The following DLG2 variants were observed in gnomAD, a reference collection of about 807,000 sequenced individuals.
The protein encoded by DLG2 is discs large MAGUK scaffold protein 2.
Under a neutral mutation model 132.5 loss-of-function variants are expected in DLG2, and 45 were observed. That is an observed-to-expected ratio of 0.34 (90% CI 0.27 to 0.44). The LOEUF is 0.44. DLG2 is among the 20% of genes least tolerant of loss of function. The pLI is 1.00. For synonymous variants in DLG2, 424 were observed against 419.6 expected (o/e 1.01, Z -0.13); for missense variants, 1,045 against 1,196.9 (o/e 0.87, Z 1.87).
intron 11 of DLG2, among the ~76,000 whole-genome samples, chr11:84,027,756 T>G (rs542617248): frequency 1.8e-4 from 27 of 152,196 alleles, no homozygotes; most frequent in African/African-American, 6.0e-4. Context: ...GGATATCACT[T>G]AGTAGACTCA....
intron 5 of DLG2, among the ~76,000 whole-genome samples, chr11:85,132,319 A>C (rs896977507): frequency 2.0e-5 from 3 of 152,220 alleles, no homozygotes; most frequent in Non-Finnish European, 4.4e-5. Flanking sequence ...AATCAGAAGC[A>C]ATATGTCAAG....
At chr11:85,500,541 TA>T (rs1250780725) in intron 3 of DLG2, among the ~76,000 whole-genome samples, 5 of 40,818 alleles carry the variant, frequency 1.2e-4, no homozygotes, top group East Asian at 7.0e-4. Flanking sequence ...TAGAGTATAA[TA>T]AAAAAAATAA....
At chr11:83,959,711 C>T (rs1428514885) in intron 14 of DLG2, among the ~76,000 whole-genome samples, 3 of 152,102 alleles carry the variant, frequency 2.0e-5, no homozygotes, top group Admixed American at 6.5e-5. Flanking sequence ...AGTGGTAGGA[C>T]GAGCACTACC....
intron 4 of DLG2, among the ~76,000 whole-genome samples, chr11:85,267,579 T>C (rs919528966): frequency 6.6e-6 from 1 of 152,096 alleles, no homozygotes; most frequent in Non-Finnish European, 1.5e-5. Context: ...TCTGACACAG[T>C]AACACCAAAA....
chr11:84,021,751 A>C (rs1016472977), intron 11 of DLG2, among the ~76,000 whole-genome samples: 9 of 146,078 alleles, frequency 6.2e-5, no homozygotes, highest in African/African-American at 2.2e-4. Context: ...TATTGAGAAA[A>C]ACAACTACTT....
chr11:85,515,644 A>G (rs953447796), intron 3 of DLG2, among the ~76,000 whole-genome samples: 2 of 152,000 alleles, frequency 1.3e-5, no homozygotes, highest in African/African-American at 2.4e-5. Flanking sequence ...TTCACTCTCA[A>G]TGACATAAAG....
chr11:85,412,760 C>CATATATATATATATATATATAT (rs200280952), intron 3 of DLG2, among the ~76,000 whole-genome samples: 1 of 113,278 alleles, frequency 8.8e-6, no homozygotes, highest in Admixed American at 9.2e-5. Flanking sequence ...CACACACACA[C>CATATATATATATATATATATAT]ATATATATAT....
chr11:85,604,889 T>C (rs2080418050), intron 2 of DLG2, among the ~76,000 whole-genome samples: 1 of 152,114 alleles, frequency 6.6e-6, no homozygotes. Context: ...TTTGAAACAG[T>C]GATTGGCAAT....
intron 3 of DLG2, among the ~76,000 whole-genome samples, chr11:85,352,860 G>T (rs934034647): frequency 6.6e-6 from 1 of 152,186 alleles, no homozygotes; most frequent in Non-Finnish European, 1.5e-5. Context: ...AGACTTAAAT[G>T]TTAGACCAAA....
intron 6 of DLG2, among the ~76,000 whole-genome samples, chr11:84,809,395 A>G (rs887375599): frequency 2.0e-5 from 3 of 151,698 alleles, no homozygotes; most frequent in African/African-American, 7.3e-5. Context: ...CTTTCCCACC[A>G]CTCTTATTTA....
chr11:84,707,677 T>C (rs942700416), intron 6 of DLG2, among the ~76,000 whole-genome samples: 1 of 151,848 alleles, frequency 6.6e-6, no homozygotes, highest in Admixed American at 6.6e-5. Flanking sequence ...TCTGCCCTTA[T>C]GATCTGAAAC....
At chr11:85,191,238 A>G (rs568041656) in intron 4 of DLG2, among the ~76,000 whole-genome samples, 2 of 151,932 alleles carry the variant, frequency 1.3e-5, no homozygotes, top group South Asian at 2.1e-4. Flanking sequence ...GAACAACAAC[A>G]AAATGGCGTA....
At chr11:85,443,073 T>C (rs1026584987) in intron 3 of DLG2, among the ~76,000 whole-genome samples, 4 of 152,038 alleles carry the variant, frequency 2.6e-5, no homozygotes. Context: ...GAAAATAAGA[T>C]GTGAAAAAAA....
chr11:85,190,033 C>T (rs1419995947), intron 4 of DLG2, among the ~76,000 whole-genome samples: 1 of 152,168 alleles, frequency 6.6e-6, no homozygotes, highest in Non-Finnish European at 1.5e-5. Flanking sequence ...GAAACTGAAT[C>T]TAATTCAGGC....
At chr11:84,785,010 A>G (rs1316765576) in intron 6 of DLG2, among the ~76,000 whole-genome samples, 1 of 152,148 alleles carries the variant, frequency 6.6e-6, no homozygotes, top group Non-Finnish European at 1.5e-5. Flanking sequence ...GCTAGATTTA[A>G]TCATTCTACG....
chr11:85,160,873 C>T (rs1343168982), intron 4 of DLG2, among the ~76,000 whole-genome samples: 1 of 152,190 alleles, frequency 6.6e-6, no homozygotes, highest in African/African-American at 2.4e-5. Context: ...AGCACTACAA[C>T]CCCTTTCTAG....
chr11:85,285,457 T>C, intron 3 of DLG2, 92 bp from the exon 4 acceptor site: 4 of 1,229,664 alleles, frequency 3.3e-6, no homozygotes, highest in Non-Finnish European at 3.3e-6. Flanking sequence ...CATACAGAAA[T>C]TTTGCTGATT....
chr11:83,858,242 C>T (rs2060870012), intron 16 of DLG2, among the ~76,000 whole-genome samples: 1 of 152,160 alleles, frequency 6.6e-6, no homozygotes, highest in Admixed American at 6.6e-5. Flanking sequence ...TTCTTGCTGT[C>T]AGACAAGAAA....
At chr11:84,551,270 C>A (rs1370204480) in intron 6 of DLG2, among the ~76,000 whole-genome samples, 1 of 152,072 alleles carries the variant, frequency 6.6e-6, no homozygotes, top group Non-Finnish European at 1.5e-5. Context: ...ACAATAGTGT[C>A]TAATAAAATG....
Sources: gnomAD v4.1 joint callset for allele counts (sites outside exome capture counted in the v4.1 genomes callset) on GRCh38, gnomAD v4.1.1 for gene constraint, MANE v1.5 for transcripts, NCBI Gene and HGNC (gene_info 2026-07-23, HGNC 2026-07-21) for gene names.